The following CGRRF1 variants were observed in gnomAD, a reference collection of about 807,000 sequenced individuals.
The protein encoded by CGRRF1 is cell growth regulator with RING finger domain protein 1.
CGRRF1 carries 32 observed loss-of-function variants against 37.2 expected under a neutral mutation model. The ratio of observed to expected loss-of-function variants is 0.86; its 90% CI spans 0.65 to 1.16. The LOEUF (loss-of-function observed/expected upper bound fraction) is 1.16, where lower values mean the gene tolerates loss of function less well. CGRRF1 is among the 50% of genes most tolerant of loss of function. CGRRF1 has a pLI of 0.00. For synonymous variants in CGRRF1, 141 were observed against 140.3 expected, an observed-to-expected ratio of 1.00 and a Z score of -0.04; for missense variants, 391 against 382.6, an observed-to-expected ratio of 1.02 and a Z score of -0.18.
At chr14:54,524,740 A>G (rs1312750867) in intron 2 of CGRRF1, among the ~76,000 whole-genome samples, 1 of 151,988 alleles carries the variant, frequency 6.6e-6, no homozygotes, top group African/African-American at 2.4e-5. Context: ...TGTAAATACT[A>G]TTACCCTATG....
At chr14:54,516,774 G>A (rs1252613616) in intron 1 of CGRRF1, among the ~76,000 whole-genome samples, 1 of 152,254 alleles carries the variant, frequency 6.6e-6, no homozygotes, top group East Asian at 1.9e-4. Context: ...AAACTTCAGT[G>A]ATATGTTAAG....
rs769496627 is a variant in CGRRF1, at chr14:54,538,727, A to G, written c.*344A>G. The G allele has an allele frequency of 5.7e-6, 1 of 175,572 alleles. No homozygotes were observed. The allele number at this position is 175,572 out of a possible 1,614,324, so 10.9% of individuals were successfully genotyped here. On this transcript the variant is annotated 3_prime_UTR_variant, in exon 6 of 6. Transcript: ENST00000216420. ...AGGAGGTTAAATTCTTAAGATCACT[A>G]AATGTTTTACCTTTGATGTAATCGG... is the stretch of plus-strand genomic sequence containing the variant.
chr14:54,538,015 G>A, intron 5 of CGRRF1, 48 bp from the exon 6 acceptor site: 1 of 1,470,962 alleles, frequency 6.8e-7, no homozygotes, highest in Admixed American at 2.5e-5. Context: ...ATTTTAAAGA[G>A]TAATTGTTAT....
Position 54,532,506 on chromosome 14 carries a change from T to C in CGRRF1, c.570+1456T>C, listed in dbSNP as rs2032531955. Among the ~76,000 whole-genome samples the C allele has an allele frequency of 2.0e-5, 3 of 152,114 alleles. No homozygotes were observed. In the South Asian group the frequency reaches 6.2e-4, roughly 31 times the overall value. On this transcript the variant is annotated intron_variant, in intron 4 of 5. Transcript: ENST00000216420. ...CACATGCAAAAAAAGTGGAAGTAAC[T>C]GTGTAAGATGATGCGTAATTTGCAT...
intron 4 of CGRRF1, among the ~76,000 whole-genome samples, chr14:54,535,263 C>T (rs2032581485): frequency 1.3e-5 from 2 of 150,874 alleles, no homozygotes; most frequent in South Asian, 4.3e-4. Flanking sequence ...TAGTCTAGAG[C>T]CAGATTTTGT....
At chr14:54,534,070 A>T (rs1362559064) in intron 4 of CGRRF1, among the ~76,000 whole-genome samples, 2 of 152,190 alleles carry the variant, frequency 1.3e-5, no homozygotes, top group Non-Finnish European at 2.9e-5. Flanking sequence ...TACATATATA[A>T]CTAGTATGAT....
At chr14:54,514,844 AT>A (rs973302580) in intron 1 of CGRRF1, among the ~76,000 whole-genome samples, 31 of 151,788 alleles carry the variant, frequency 2.0e-4, no homozygotes, top group Non-Finnish European at 1.6e-4. Context: ...TTCCCTTTTG[AT>A]TTTTTTCTTG....
intron 4 of CGRRF1, chr14:54,537,164 C>T (rs1479349363): frequency 6.6e-6 from 1 of 152,062 alleles, no homozygotes; most frequent in Non-Finnish European, 1.5e-5. Context: ...CTGTTTCATC[C>T]ATCTGTCTAT....
chr14:54,533,951 T>G (rs1042916098), intron 4 of CGRRF1, among the ~76,000 whole-genome samples: 1 of 152,120 alleles, frequency 6.6e-6, no homozygotes, highest in Non-Finnish European at 1.5e-5. Context: ...AATCTTTATA[T>G]ATGTAATTAA....
intron 1 of CGRRF1, among the ~76,000 whole-genome samples, chr14:54,521,653 C>T (rs1379062479): frequency 4.0e-5 from 6 of 151,600 alleles, no homozygotes; most frequent in South Asian, 2.1e-4. Flanking sequence ...TACAGGTCCA[C>T]GCCACCATGC....
chr14:54,534,635 C>T (rs971839764), intron 4 of CGRRF1, among the ~76,000 whole-genome samples: 2 of 152,088 alleles, frequency 1.3e-5, no homozygotes, highest in Non-Finnish European at 2.9e-5. Context: ...AAAAGATCAC[C>T]CATATACCCT....
chr14:54,525,338 A>T lies in CGRRF1; in HGVS notation c.244+2745A>T, dbSNP rs148156278. Among the ~76,000 whole-genome samples, 627 of 152,358 alleles carry T rather than the reference A, an allele frequency of 4.1e-3. 8 individuals are homozygous for T. The highest frequency in any genetic ancestry group is 0.014 in the African/African-American group (601 of 41,578). ...CTGCTTTTCAGGCAGAAATAGTCAC[A>T]AATAGAACCAGCCTTGCGAATGTTT... On this transcript the variant is annotated intron_variant, in intron 2 of 5. Coordinates refer to ENST00000216420, the MANE Select transcript of CGRRF1 (RefSeq NM_006568.3).
At position 54,509,992 on chromosome 14, in the gene CGRRF1, A is replaced by C. The variant is rs149160670; in HGVS notation, c.33A>C (p.Glu11Asp). Residue 11 changes from glutamate to aspartate, a missense_variant, in exon 1 of 6, where the codon GAA becomes GAC. By Grantham distance (45) the Glu-to-Asp change is conservative (BLOSUM62 2). Transcript: ENST00000216420. MAAVFLVTLYEYSPLFYIAVV... is the reference protein window; with the variant it reads MAAVFLVTLYDYSPLFYIAVV... Reference sequence around the variant, plus strand: ...CGGTGTTTCTGGTAACGCTTTATGAATACTCGCCGCTTTTCTACATCGCGG... The same window carrying C: ...CGGTGTTTCTGGTAACGCTTTATGACTACTCGCCGCTTTTCTACATCGCGG... 1.2e-6 allele frequency: 2 copies of C among 1,613,934 alleles called. No homozygotes were observed. The highest frequency in any genetic ancestry group is 3.3e-5 in the Admixed American group (2 of 60,022).
intron 1 of CGRRF1, among the ~76,000 whole-genome samples, chr14:54,514,496 A>G (rs2032184135): frequency 6.6e-6 from 1 of 152,224 alleles, no homozygotes. Flanking sequence ...TTTGTTACAT[A>G]GGTAAACTCG....
intron 2 of CGRRF1, among the ~76,000 whole-genome samples, chr14:54,527,316 G>A (rs905811027): frequency 6.6e-6 from 1 of 152,142 alleles, no homozygotes; most frequent in South Asian, 2.1e-4. Context: ...CTCAGTTTAT[G>A]TAATGGACAA....
chr14:54,531,688 A>G lies in CGRRF1; in HGVS notation c.570+638A>G, dbSNP rs150504317. ...GGTCCCTGTATTTTCAGTAATTATA[A>G]TAATCTCCTTTCCTCATTATGTGCT... is the stretch of plus-strand genomic sequence containing the variant. On this transcript the variant is annotated intron_variant, in intron 4 of 5. Transcript: ENST00000216420. Among the ~76,000 whole-genome samples, 1,249 of 152,242 alleles carry G rather than the reference A, an allele frequency of 8.2e-3. 26 individuals carry two copies. Among genetic ancestry groups the G allele is most frequent in the African/African-American group, 0.029 (1,206 of 41,552 alleles).
intron 2 of CGRRF1, 107 bp downstream of exon 2, chr14:54,522,700 T>C: frequency 9.4e-7 from 1 of 1,064,616 alleles, no homozygotes; most frequent in Non-Finnish European, 1.4e-6. Flanking sequence ...TTAACAAACA[T>C]TTGTTGGGCA....
chr14:54,514,347 G>T (rs1566506441), intron 1 of CGRRF1, among the ~76,000 whole-genome samples: 1 of 152,178 alleles, frequency 6.6e-6, no homozygotes, highest in African/African-American at 2.4e-5. Flanking sequence ...ATATTCTCAA[G>T]AAATTCTGCA....
At chr14:54,535,369 A>C (rs2032583699) in intron 4 of CGRRF1, among the ~76,000 whole-genome samples, 1 of 142,640 alleles carries the variant, frequency 7.0e-6, no homozygotes. Flanking sequence ...TCACACACAC[A>C]CACACACACA....
Sources: gnomAD v4.1 joint callset for allele counts (sites outside exome capture counted in the v4.1 genomes callset) on GRCh38, gnomAD v4.1.1 for gene constraint, MANE v1.5 for transcripts, NCBI Gene and HGNC (gene_info 2026-07-23, HGNC 2026-07-21) for gene names.